TANC2: variants seen among roughly 807,000 people sequenced by gnomAD.
TANC2 encodes protein TANC2.
Under a neutral mutation model 210.5 loss-of-function variants are expected in TANC2, and 26 were observed. The ratio of observed to expected loss-of-function variants is 0.12; its 90% CI spans 0.09 to 0.17. TANC2 has a LOEUF of 0.17. TANC2 is among the 10% of genes least tolerant of loss of function. TANC2 has a pLI of 1.00. For missense variants in TANC2, 2,129 were observed against 2,608.9 expected, an observed-to-expected ratio of 0.82 and a Z score of 4.01; for synonymous variants, 931 against 967.1, an observed-to-expected ratio of 0.96 and a Z score of 0.69.
chr17:63,375,896 T>C (rs1400865598), intron 14 of TANC2, among the ~76,000 whole-genome samples: 1 of 151,822 alleles, frequency 6.6e-6, no homozygotes, highest in Non-Finnish European at 1.5e-5. Context: ...AAGTCCAGCC[T>C]GGCCAGCATG....
chr17:63,121,821 G>T (rs1465826745), intron 4 of TANC2, among the ~76,000 whole-genome samples: 2 of 152,008 alleles, frequency 1.3e-5, no homozygotes, highest in Non-Finnish European at 2.9e-5. Context: ...TAATTAGCTG[G>T]GTGTGGTGGC....
At chr17:63,408,975 T>C (rs541956888) in intron 21 of TANC2, among the ~76,000 whole-genome samples, 3 of 151,868 alleles carry the variant, frequency 2.0e-5, no homozygotes, top group Non-Finnish European at 2.9e-5. Context: ...CAAATGTATA[T>C]TGGATTTTAG....
intron 2 of TANC2, among the ~76,000 whole-genome samples, chr17:63,050,512 G>A (rs573473121): frequency 6.6e-6 from 1 of 152,250 alleles, no homozygotes; most frequent in East Asian, 1.9e-4. Flanking sequence ...CTAACCAATG[G>A]AATATATATG....
intron 12 of TANC2, among the ~76,000 whole-genome samples, chr17:63,349,726 A>G (rs1275664214): frequency 6.6e-6 from 1 of 152,160 alleles, no homozygotes; most frequent in Non-Finnish European, 1.5e-5. Flanking sequence ...GCAACTAGAA[A>G]ATTCCTCTAT....
At chr17:63,211,405 G>GT (rs199701823) in intron 7 of TANC2, among the ~76,000 whole-genome samples, 26 of 150,896 alleles carry the variant, frequency 1.7e-4, no homozygotes, top group South Asian at 2.1e-4. Context: ...AGCGGCAATA[G>GT]TTTTTTTTTC....
chr17:63,286,766 A>G (rs1213842231), intron 9 of TANC2, among the ~76,000 whole-genome samples: 1 of 152,128 alleles, frequency 6.6e-6, no homozygotes, highest in Non-Finnish European at 1.5e-5. Context: ...CAGTTCACTG[A>G]TGCATTTTTA....
At position 63,230,156 on chromosome 17, in the gene TANC2, C is replaced by CT. The variant is rs527420618; in HGVS notation, c.770-7657dup. On this transcript the variant is annotated intron_variant, in intron 7 of 27. Coordinates refer to ENST00000689528, the Ensembl canonical transcript of TANC2. ...TCCCTTTTATCATTTTTTATTGTGT[C>CT]TATTTGATTCTTCTCTCTTCTTTAT... Among the ~76,000 whole-genome samples, 444 of 152,100 alleles carry CT rather than the reference C, an allele frequency of 2.9e-3. 3 individuals carry two copies. The highest frequency in any genetic ancestry group is 0.01 in the African/African-American group (421 of 41,498).
In TANC2 at chr17:63,007,783, T is replaced by C. The variant is rs1227308841; in HGVS notation, c.-23-1754T>C. 2.6e-5 allele frequency among the ~76,000 whole-genome samples: 4 copies of C among 152,154 alleles called. No individual in the cohort carries two copies. The East Asian group carries it at 7.7e-4, about 29-fold the overall frequency. ...TATTTTAAAGAACAGCCTATCATTG[T>C]TATTTTTATAGTCATTTATTAATAC... is the stretch of plus-strand genomic sequence containing the variant. On this transcript the variant is annotated intron_variant, in intron 1 of 27. Transcript: ENST00000689528.
intron 1 of TANC2, among the ~76,000 whole-genome samples, chr17:62,973,298 C>T (rs2031815583): frequency 6.6e-6 from 1 of 152,184 alleles, no homozygotes. Flanking sequence ...TCCCAGAGTG[C>T]TGGGATTACG....
intron 5 of TANC2, among the ~76,000 whole-genome samples, chr17:63,191,748 C>T (rs1189652918): frequency 1.6e-4 from 24 of 152,122 alleles, no homozygotes; most frequent in Admixed American, 1.6e-3. Context: ...CAAGCATGAG[C>T]CACCGCGCCT....
intron 5 of TANC2, among the ~76,000 whole-genome samples, chr17:63,167,170 C>T (rs1024215480): frequency 2.0e-5 from 3 of 152,164 alleles, no homozygotes; most frequent in Non-Finnish European, 4.4e-5. Flanking sequence ...GAACTCTGTA[C>T]ATTTGTATAA....
intron 8 of TANC2, among the ~76,000 whole-genome samples, chr17:63,239,072 G>C (rs2042701297): frequency 6.6e-6 from 1 of 151,800 alleles, no homozygotes; most frequent in East Asian, 1.9e-4. Flanking sequence ...GCAGCAATTT[G>C]GGATGCTGAG....
intron 4 of TANC2, among the ~76,000 whole-genome samples, chr17:63,140,280 T>C (rs1260674579): frequency 6.6e-6 from 1 of 152,206 alleles, no homozygotes; most frequent in African/African-American, 2.4e-5. Context: ...GAGTAACTTT[T>C]GTAGCAATTT....
chr17:63,183,405 G>A (rs771687666), intron 5 of TANC2, among the ~76,000 whole-genome samples: 9 of 152,102 alleles, frequency 5.9e-5, no homozygotes, highest in East Asian at 1.9e-4. Flanking sequence ...TGCATTCGTC[G>A]TAATACATTT....
intron 3 of TANC2, among the ~76,000 whole-genome samples, chr17:63,078,909 A>G (rs545860199): frequency 1.2e-3 from 182 of 152,304 alleles, no homozygotes; most frequent in Non-Finnish European, 1.5e-3. Context: ...GATCACGTTG[A>G]TTGATAGTGT....
rs1336966320 is a variant in TANC2, at chr17:63,343,459, T to A, written c.1807+3127T>A. ...TCAAAAATAGACCAAATTAGAGAAGTAGCTATAGTCCCAACTGCTCTGGAG... is the reference window on the plus strand; with the variant it reads ...TCAAAAATAGACCAAATTAGAGAAGAAGCTATAGTCCCAACTGCTCTGGAG... On this transcript the variant is annotated intron_variant, in intron 12 of 27. Coordinates refer to ENST00000689528, the Ensembl canonical transcript of TANC2. Among the ~76,000 whole-genome samples the A allele has an allele frequency of 5.9e-5, 9 of 152,186 alleles. No individual in the cohort carries two copies. The East Asian group carries it at 1.7e-3, about 29-fold the overall frequency.
chr17:63,305,643 A>G (rs532992823), intron 9 of TANC2: 1 of 152,390 alleles, frequency 6.6e-6, no homozygotes, highest in African/African-American at 2.4e-5. Flanking sequence ...TAAAATGTTA[A>G]TAAGTAGTGT....
At chr17:63,159,262 T>C (rs151162175) in intron 5 of TANC2, among the ~76,000 whole-genome samples, 17 of 152,352 alleles carry the variant, frequency 1.1e-4, no homozygotes, top group African/African-American at 4.1e-4. Context: ...GAAGAAGTTA[T>C]GATCTTAGTT....
At chr17:63,186,319 G>A (rs986111836) in intron 5 of TANC2, among the ~76,000 whole-genome samples, 21 of 147,678 alleles carry the variant, frequency 1.4e-4, no homozygotes, top group Non-Finnish European at 3.0e-4. Context: ...TATTAATCTC[G>A]ATATTAAGCA....
Sources: gnomAD v4.1 joint callset for allele counts (sites outside exome capture counted in the v4.1 genomes callset) on GRCh38, gnomAD v4.1.1 for gene constraint, MANE v1.5 for transcripts, NCBI Gene and HGNC (gene_info 2026-07-23, HGNC 2026-07-21) for gene names.